The following QTMAN variants were observed in gnomAD, a reference collection of about 807,000 sequenced individuals.
QTMAN encodes the protein tRNA-queuosine alpha-mannosyltransferase.
the QTMAN span, among the ~76,000 whole-genome samples, chr2:144,320,662 G>T: frequency 6.6e-6 from 1 of 152,170 alleles, no homozygotes; most frequent in Non-Finnish European, 1.5e-5. Flanking sequence ...CTCTGTAATG[G>T]ACTTCCTGTA....
chr2:144,007,720 G>A, the QTMAN span, among the ~76,000 whole-genome samples: 1 of 152,060 alleles, frequency 6.6e-6, no homozygotes, highest in Non-Finnish European at 1.5e-5. Context: ...GTTTGAAATT[G>A]GACTGGGCTG....
the QTMAN span, among the ~76,000 whole-genome samples, chr2:144,126,794 G>A: frequency 9.9e-5 from 15 of 152,034 alleles, no homozygotes; most frequent in Admixed American, 3.3e-4. Flanking sequence ...GGCATGTTTC[G>A]TGGAGTGATA....
the QTMAN span, among the ~76,000 whole-genome samples, chr2:144,272,753 GTA>G: frequency 6.6e-6 from 1 of 152,096 alleles, no homozygotes; most frequent in Non-Finnish European, 1.5e-5. Context: ...ATGCGTGTGT[GTA>G]TGTGTGCAAA....
chr2:144,146,904 T>C, the QTMAN span, among the ~76,000 whole-genome samples: 1 of 151,894 alleles, frequency 6.6e-6, no homozygotes, highest in Non-Finnish European at 1.5e-5. Flanking sequence ...ACTGCTGGTC[T>C]TCTAAGGGCT....
chr2:144,147,245 A>G, the QTMAN span, among the ~76,000 whole-genome samples: 1 of 151,126 alleles, frequency 6.6e-6, no homozygotes, highest in East Asian at 1.9e-4. Context: ...TTAATGTTAT[A>G]ATTTATCTCT....
At chr2:144,189,468 A>G in the QTMAN span, among the ~76,000 whole-genome samples, 1 of 152,200 alleles carries the variant, frequency 6.6e-6, no homozygotes, top group Non-Finnish European at 1.5e-5. Context: ...AAAGATATTG[A>G]GCCACTAAAA....
At chr2:143,980,839 A>G in the QTMAN span, among the ~76,000 whole-genome samples, 1 of 152,168 alleles carries the variant, frequency 6.6e-6, no homozygotes, top group African/African-American at 2.4e-5. Flanking sequence ...TTTTCCTTCG[A>G]TATCTCTTAA....
At chr2:144,133,211 A>T in the QTMAN span, among the ~76,000 whole-genome samples, 10 of 80,864 alleles carry the variant, frequency 1.2e-4, no homozygotes, top group Admixed American at 4.2e-4. Context: ...ATATTTATAT[A>T]TACATATATA....
chr2:143,952,870 G>C, the QTMAN span: 2 of 1,396,130 alleles, frequency 1.4e-6, no homozygotes, highest in African/African-American at 1.4e-5. Flanking sequence ...AAGAGGGTAA[G>C]AATATATTAA....
At chr2:144,309,624 G>A in the QTMAN span, among the ~76,000 whole-genome samples, 1 of 152,170 alleles carries the variant, frequency 6.6e-6, no homozygotes, top group Non-Finnish European at 1.5e-5. Flanking sequence ...ACTACAAACA[G>A]ACACAAGGAA....
the QTMAN span, among the ~76,000 whole-genome samples, chr2:143,983,459 A>T: frequency 2.9e-4 from 40 of 136,582 alleles, no homozygotes; most frequent in African/African-American, 9.6e-4. Flanking sequence ...GAAATGTGTC[A>T]TTTTTGAGGT....
At chr2:144,203,150 AGTGTGTGTGTGTGTGTGTGT>A in the QTMAN span, among the ~76,000 whole-genome samples, 62 of 145,644 alleles carry the variant, frequency 4.3e-4, no homozygotes, top group African/African-American at 1.4e-3. Flanking sequence ...TACAATGAAG[AGTGTGTGTGTGTGTGTGTGT>A]GTGTGTGTGT....
chr2:143,990,709 T>G, the QTMAN span, among the ~76,000 whole-genome samples: 1 of 152,108 alleles, frequency 6.6e-6, no homozygotes, highest in Non-Finnish European at 1.5e-5. Context: ...GAATTTCCCA[T>G]GATAAAATTC....
At chr2:144,259,214 AGTG>A in the QTMAN span, among the ~76,000 whole-genome samples, 8 of 152,202 alleles carry the variant, frequency 5.3e-5, no homozygotes, top group Admixed American at 2.0e-4. Flanking sequence ...GCTGGAGTGC[AGTG>A]GCACAATCTC....
chr2:144,098,708 C>G, the QTMAN span, among the ~76,000 whole-genome samples: 1 of 149,380 alleles, frequency 6.7e-6, no homozygotes, highest in Non-Finnish European at 1.5e-5. Flanking sequence ...GAGCAAGACT[C>G]TGTCTCAAAA....
the QTMAN span, among the ~76,000 whole-genome samples, chr2:144,101,889 A>G: frequency 6.6e-6 from 1 of 152,130 alleles, no homozygotes; most frequent in South Asian, 2.1e-4. Flanking sequence ...TCAAAATTCT[A>G]GGACATTTGC....
At chr2:144,182,569 G>C in the QTMAN span, among the ~76,000 whole-genome samples, 1 of 147,536 alleles carries the variant, frequency 6.8e-6, no homozygotes, top group Admixed American at 6.9e-5. Context: ...ACTTGAACCA[G>C]GGAGGCGGAG....
chr2:143,997,736 T>C, the QTMAN span, among the ~76,000 whole-genome samples: 1 of 152,088 alleles, frequency 6.6e-6, no homozygotes, highest in African/African-American at 2.4e-5. Context: ...TTCAATTAAT[T>C]GATCCACTGT....
At chr2:144,003,345 T>C in the QTMAN span, among the ~76,000 whole-genome samples, 1 of 151,716 alleles carries the variant, frequency 6.6e-6, no homozygotes, top group Non-Finnish European at 1.5e-5. Context: ...TAATAATTAT[T>C]AGAGAATGCT....
Sources: allele counts gnomAD v4.1 joint callset (sites outside exome capture counted in the v4.1 genomes callset), GRCh38; gene constraint gnomAD v4.1.1; transcripts MANE v1.5; gene names NCBI Gene and HGNC (gene_info 2026-07-23, HGNC 2026-07-21).